The following ANKS1B variants were observed in gnomAD, a reference collection of about 807,000 sequenced individuals.
ANKS1B encodes ankyrin repeat and sterile alpha motif domain-containing protein 1B.
ANKS1B carries 36 observed loss-of-function variants against 148.3 expected under a neutral mutation model. The observed-to-expected ratio is 0.24, with a 90% CI of 0.19 to 0.32. The LOEUF is 0.32. Ranked by LOEUF, ANKS1B falls within the 10% of genes least tolerant of loss-of-function variation. The pLI is 1.00. For missense variants in ANKS1B, 1,157 were observed against 1,542.6 expected (o/e 0.75, Z 4.19); for synonymous variants, 542 against 560.8 (o/e 0.97, Z 0.47).
At chr12:99,022,186 A>G (rs763500921) in intron 17 of ANKS1B, among the ~76,000 whole-genome samples, 1 of 152,188 alleles carries the variant, frequency 6.6e-6, no homozygotes, top group Non-Finnish European at 1.5e-5. Flanking sequence ...AATTCTAGAA[A>G]ATGTAATGTG....
rs1388996154 is a variant in ANKS1B, at chr12:98,751,128, TGA to T, written c.3747+225_3747+226del. On this transcript the variant is annotated intron_variant, in intron 26 of 26. Transcript: ENST00000683438. The surrounding 1 kb of genome is among the most constrained non-coding windows in gnomAD (Gnocchi z 4.3). ...CCTTCATAGGGTTGCTGCAGGTGAC[TGA>T]GAAAGTGGATTTCTCTGGAGGCTCC... 6.6e-6 allele frequency among the ~76,000 whole-genome samples: 1 copy of T among 152,212 alleles called. No homozygotes were observed. Among genetic ancestry groups the T allele is most frequent in the African/African-American group, 2.4e-5 (1 of 41,442 alleles).
chr12:99,133,237 G>C (rs1334490399), intron 15 of ANKS1B, among the ~76,000 whole-genome samples: 2 of 151,652 alleles, frequency 1.3e-5, no homozygotes, highest in African/African-American at 2.4e-5. Flanking sequence ...ATTTTTAGTA[G>C]AGACAGGGTT....
intron 1 of ANKS1B, among the ~76,000 whole-genome samples, chr12:99,836,513 T>C (rs564544100): frequency 5.3e-5 from 8 of 152,290 alleles, no homozygotes; most frequent in African/African-American, 1.4e-4. Flanking sequence ...CAAATGCGAA[T>C]TGAATGACTA....
intron 9 of ANKS1B, among the ~76,000 whole-genome samples, chr12:99,565,435 T>C (rs1015300606): frequency 1.3e-5 from 2 of 152,196 alleles, no homozygotes; most frequent in Non-Finnish European, 2.9e-5. Context: ...ACAACAGCTA[T>C]AGACATCACA....
intron 12 of ANKS1B, among the ~76,000 whole-genome samples, chr12:99,296,603 T>C (rs888201558): frequency 1.3e-5 from 2 of 152,192 alleles, no homozygotes; most frequent in East Asian, 1.9e-4. Flanking sequence ...CAAAGCATTG[T>C]TTTGTTGACT....
intron 11 of ANKS1B, among the ~76,000 whole-genome samples, chr12:99,433,488 G>C (rs950556322): frequency 1.3e-5 from 2 of 152,090 alleles, no homozygotes; most frequent in African/African-American, 4.8e-5. Flanking sequence ...CCTGCTAAGA[G>C]GTCCTGAACC....
intron 17 of ANKS1B, among the ~76,000 whole-genome samples, chr12:98,851,107 C>G (rs957133851): frequency 2.0e-5 from 3 of 152,180 alleles, no homozygotes; most frequent in Admixed American, 6.5e-5. Context: ...AACAATGCAG[C>G]CCACAGTAGT....
chr12:99,154,167 T>C (rs888858134), intron 15 of ANKS1B, 122 bp downstream of exon 15: 70 of 1,229,606 alleles, frequency 5.7e-5, no homozygotes, highest in Non-Finnish European at 7.4e-5. Context: ...AATTTTCCAA[T>C]GCAGTTACAT....
intron 18 of ANKS1B, chr12:98,831,732 C>T (rs1197180595): frequency 3.2e-6 from 1 of 311,078 alleles, no homozygotes; most frequent in Non-Finnish European, 6.2e-6. Context: ...ATAAAGTGCA[C>T]GTTTATAAAA....
intron 8 of ANKS1B, among the ~76,000 whole-genome samples, chr12:99,737,738 C>G (rs933872867): frequency 5.9e-5 from 9 of 152,014 alleles, no homozygotes; most frequent in Admixed American, 2.6e-4. Flanking sequence ...TATTTCCCCC[C>G]TACCTGTATA....
chr12:99,122,952 G>T (rs1441641586), intron 15 of ANKS1B, among the ~76,000 whole-genome samples: 1 of 145,744 alleles, frequency 6.9e-6, no homozygotes, highest in African/African-American at 2.6e-5. Context: ...CATGTGCCAG[G>T]TTCTGTTCTA....
At chr12:99,234,311 A>G (rs2087444841) in intron 14 of ANKS1B, among the ~76,000 whole-genome samples, 2 of 152,172 alleles carry the variant, frequency 1.3e-5, no homozygotes, top group African/African-American at 4.8e-5. Context: ...ATCAATGTGT[A>G]TTAGACTTTT....
At chr12:98,876,686 C>T (rs114426525) in intron 17 of ANKS1B, among the ~76,000 whole-genome samples, 1,678 of 152,282 alleles carry the variant, frequency 0.011, 23 homozygotes, top group African/African-American at 0.035. Context: ...CAATAGGAAG[C>T]ATCATCAGAA....
chr12:99,770,968 G>A lies in ANKS1B; in HGVS notation c.1128+1954C>T, dbSNP rs566871022. ...TTCAAAACCTTAACGCTCAATTTAT[G>A]AGCATTAATTTCTTTCTTGCCACTA... is the stretch of plus-strand genomic sequence containing the variant. On this transcript the variant is annotated intron_variant, in intron 8 of 26. Coordinates refer to ENST00000683438, the MANE Select transcript of ANKS1B (RefSeq NM_001352186.2). Among the ~76,000 whole-genome samples, 11 of 152,170 alleles carry A rather than the reference G, an allele frequency of 7.2e-5. No individual in the cohort carries two copies. In the South Asian group the frequency reaches 1.5e-3, roughly 20 times the overall value.
chr12:99,688,554 G>A (rs774086480), intron 8 of ANKS1B, among the ~76,000 whole-genome samples: 14 of 152,122 alleles, frequency 9.2e-5, no homozygotes, highest in Non-Finnish European at 2.1e-4. Context: ...AAGAAAAAAG[G>A]CACCAAGGAC....
intron 12 of ANKS1B, among the ~76,000 whole-genome samples, chr12:99,273,753 T>TTTTTTGTAC (rs2077342120): frequency 6.6e-6 from 1 of 151,712 alleles, no homozygotes; most frequent in African/African-American, 2.4e-5. Flanking sequence ...ATTTTTTGTA[T>TTTTTTGTAC]TTTTTGTATT....
chr12:99,174,803 C>A (rs2078185500), intron 14 of ANKS1B, among the ~76,000 whole-genome samples: 1 of 152,048 alleles, frequency 6.6e-6, no homozygotes, highest in Admixed American at 6.5e-5. Context: ...ATTATATTTT[C>A]AAGGTATATG....
At chr12:99,462,572 T>G (rs1240322213) in intron 10 of ANKS1B, among the ~76,000 whole-genome samples, 2 of 152,218 alleles carry the variant, frequency 1.3e-5, no homozygotes, top group African/African-American at 4.8e-5. Context: ...TTGTTCTCAG[T>G]GGCCCCTTCT....
chr12:99,943,148 T>TA (rs1258160560), intron 1 of ANKS1B, among the ~76,000 whole-genome samples: 1 of 152,156 alleles, frequency 6.6e-6, no homozygotes, highest in Non-Finnish European at 1.5e-5. Context: ...ATTATGGCTG[T>TA]AAAAAATGAA....
Sources: allele counts gnomAD v4.1 joint callset (sites outside exome capture counted in the v4.1 genomes callset), GRCh38; gene constraint gnomAD v4.1.1; non-coding constraint Gnocchi (gnomAD v3.1); transcripts MANE v1.5; gene names NCBI Gene and HGNC (gene_info 2026-07-23, HGNC 2026-07-21).